GRID2: variants seen among roughly 807,000 people sequenced by gnomAD.
GRID2 encodes glutamate receptor ionotropic, delta-2.
Under a neutral mutation model 114.8 loss-of-function variants are expected in GRID2, and 33 were observed. The ratio of observed to expected loss-of-function variants is 0.29; its 90% CI spans 0.22 to 0.38. The LOEUF is 0.38. GRID2 is among the 10% of genes least tolerant of loss of function. The pLI is 1.00. For missense variants in GRID2, 1,184 were observed against 1,257.7 expected (o/e 0.94, Z 0.89); for synonymous variants, 505 against 449.9 (o/e 1.12, Z -1.55).
In GRID2 at chr4:93,160,610, A is replaced by G. The variant is rs941168144; in HGVS notation, c.736-46794A>G. ...GCGAAATCATAGCACTCAAAAAGAT[A>G]CTGGAGCAATCTCCTTAGGAAGATC... On this transcript the variant is annotated intron_variant, in intron 4 of 15. Coordinates refer to ENST00000282020, the MANE Select transcript of GRID2 (RefSeq NM_001510.4). Among the ~76,000 whole-genome samples, 12 of 151,958 alleles carry G rather than the reference A, an allele frequency of 7.9e-5. 1 individual carries two copies. Among genetic ancestry groups the G allele is most frequent in the African/African-American group, 2.4e-4 (10 of 41,506 alleles).
chr4:92,625,582 C>T (rs897690473), intron 2 of GRID2, among the ~76,000 whole-genome samples: 1 of 151,780 alleles, frequency 6.6e-6, no homozygotes, highest in African/African-American at 2.4e-5. Context: ...TTTAAAAAAA[C>T]CCAACCAATC....
At chr4:92,761,194 A>AG (rs1402975515) in intron 2 of GRID2, among the ~76,000 whole-genome samples, 1 of 152,082 alleles carries the variant, frequency 6.6e-6, no homozygotes, top group African/African-American at 2.4e-5. Flanking sequence ...AAAAAAAAAA[A>AG]TCACATTATT....
chr4:92,760,157 T>C (rs1737921983), intron 2 of GRID2, among the ~76,000 whole-genome samples: 1 of 144,266 alleles, frequency 6.9e-6, no homozygotes, highest in Non-Finnish European at 1.5e-5. Context: ...GAGAACCACT[T>C]GAACCTGGGA....
At chr4:92,552,912 C>A (rs1410791078) in intron 1 of GRID2, among the ~76,000 whole-genome samples, 1 of 152,184 alleles carries the variant, frequency 6.6e-6, no homozygotes, top group Admixed American at 6.5e-5. Context: ...TCTCAGTCAC[C>A]TTTGGTTGCT....
chr4:92,308,984 T>C (rs1425661202), intron 1 of GRID2, among the ~76,000 whole-genome samples: 1 of 152,074 alleles, frequency 6.6e-6, no homozygotes, highest in Non-Finnish European at 1.5e-5. Context: ...CAAGTGTGTA[T>C]TAAGTTAGAC....
chr4:93,417,441 G>GA (rs938510782), intron 9 of GRID2, among the ~76,000 whole-genome samples: 6 of 151,730 alleles, frequency 4.0e-5, no homozygotes, highest in East Asian at 1.9e-4. Flanking sequence ...CATGTATACA[G>GA]AAAAAAGCAT....
At chr4:93,648,634 G>A (rs780705747) in intron 14 of GRID2, among the ~76,000 whole-genome samples, 7 of 152,172 alleles carry the variant, frequency 4.6e-5, no homozygotes, top group East Asian at 3.9e-4. Context: ...TCACCTGAAC[G>A]GTCTGTTAAA....
intron 2 of GRID2, among the ~76,000 whole-genome samples, chr4:92,929,379 G>C (rs1242026752): frequency 6.7e-6 from 1 of 150,366 alleles, no homozygotes; most frequent in Admixed American, 6.7e-5. Context: ...CCTATATTTT[G>C]ATTAAAAAAA....
At chr4:92,931,463 A>C (rs1194573923) in intron 2 of GRID2, among the ~76,000 whole-genome samples, 1 of 151,010 alleles carries the variant, frequency 6.6e-6, no homozygotes, top group Non-Finnish European at 1.5e-5. Flanking sequence ...ATTGCATTAG[A>C]ATTCTTATGG....
intron 2 of GRID2, among the ~76,000 whole-genome samples, chr4:92,811,430 T>C (rs1440101936): frequency 6.6e-6 from 1 of 152,104 alleles, no homozygotes; most frequent in Admixed American, 6.6e-5. Flanking sequence ...TTGTCTGTTT[T>C]GCATGCATTA....
In GRID2 at chr4:92,789,571, A is replaced by T. The variant is rs563877633; in HGVS notation, c.244+199285A>T. 3.3e-5 allele frequency among the ~76,000 whole-genome samples: 5 copies of T among 152,032 alleles called. No homozygotes were observed. In the East Asian group the frequency reaches 9.7e-4, roughly 30 times the overall value. ...TCGGATCTATTGTACTGTTTACAGT[A>T]CAATATCCATTAACATTTCTGTGTT... On this transcript the variant is annotated intron_variant, in intron 2 of 15. Coordinates refer to ENST00000282020, the MANE Select transcript of GRID2 (RefSeq NM_001510.4).
chr4:92,335,249 C>G (rs1024308291), intron 1 of GRID2, among the ~76,000 whole-genome samples: 4 of 152,194 alleles, frequency 2.6e-5, no homozygotes, highest in African/African-American at 9.6e-5. Context: ...TGAAGTTACT[C>G]TCAGCCTGAG....
At chr4:93,279,709 A>G (rs541558517) in intron 8 of GRID2, among the ~76,000 whole-genome samples, 6 of 152,078 alleles carry the variant, frequency 3.9e-5, no homozygotes, top group African/African-American at 1.2e-4. Context: ...CTTTTTTTAT[A>G]TATCTTCAGA....
rs188653771 is a variant in GRID2 at position 93,067,220 on chromosome 4, T to A, written c.245-17775T>A. ...TGCCCAGAAACCTAGAGGTAGTACA[T>A]GTTTTTTGAGATGGTATTTCCATTA... On this transcript the variant is annotated intron_variant, in intron 2 of 15. Transcript: ENST00000282020. Among the ~76,000 whole-genome samples the A allele has an allele frequency of 2.0e-3, 298 of 152,192 alleles. 1 individual carries two copies. Among genetic ancestry groups the A allele is most frequent in the Non-Finnish European group, 3.6e-3 (243 of 67,990 alleles).
chr4:92,501,305 C>T (rs920695182), intron 1 of GRID2, among the ~76,000 whole-genome samples: 9 of 152,112 alleles, frequency 5.9e-5, no homozygotes, highest in African/African-American at 2.2e-4. Context: ...TGCCAGTGGG[C>T]TCATTTTACC....
chr4:92,413,575 C>A (rs535897886), intron 1 of GRID2, among the ~76,000 whole-genome samples: 1 of 152,006 alleles, frequency 6.6e-6, no homozygotes, highest in South Asian at 2.1e-4. Flanking sequence ...GCAGCAATAC[C>A]TACATCTTAA....
At chr4:93,478,003 A>G (rs976270290) in intron 11 of GRID2, among the ~76,000 whole-genome samples, 2 of 152,066 alleles carry the variant, frequency 1.3e-5, no homozygotes, top group African/African-American at 4.8e-5. Flanking sequence ...TTACCTCAGT[A>G]TTTTTTACTG....
At chr4:92,537,297 T>C (rs1725688956) in intron 1 of GRID2, among the ~76,000 whole-genome samples, 1 of 152,196 alleles carries the variant, frequency 6.6e-6, no homozygotes, top group South Asian at 2.1e-4. Context: ...AATTAGCTAA[T>C]ATTTTCCCCT....
At chr4:93,403,321 T>A (rs927251361) in intron 9 of GRID2, among the ~76,000 whole-genome samples, 3 of 152,052 alleles carry the variant, frequency 2.0e-5, no homozygotes, top group Admixed American at 6.6e-5. Flanking sequence ...AGAACACAGT[T>A]CCCACAGTTT....
Sources: allele counts gnomAD v4.1 joint callset (sites outside exome capture counted in the v4.1 genomes callset), GRCh38; gene constraint gnomAD v4.1.1; transcripts MANE v1.5; gene names NCBI Gene and HGNC (gene_info 2026-07-23, HGNC 2026-07-21).